MALRD1: variants seen among roughly 807,000 people sequenced by gnomAD.
The protein encoded by MALRD1 is MAM and LDL-receptor class A domain-containing protein 1.
In MALRD1, 247 loss-of-function variants were observed where a neutral mutation model predicts 242.1. The ratio of observed to expected loss-of-function variants is 1.02; its 90% CI spans 0.92 to 1.13. MALRD1 has a LOEUF of 1.13. Ranked by LOEUF, MALRD1 falls within the 50% of genes most tolerant of loss-of-function variation. The probability of loss-of-function intolerance (pLI) is 0.00; values close to 1 mark genes in which losing one functional copy is unlikely to be tolerated. For missense variants in MALRD1, 2,989 were observed against 2,533.1 expected (o/e 1.18, Z -3.86); for synonymous variants, 995 against 866.6 (o/e 1.15, Z -2.60).
At chr10:19,142,845 G>A (rs1373479147) in intron 10 of MALRD1, among the ~76,000 whole-genome samples, 1 of 152,168 alleles carries the variant, frequency 6.6e-6, no homozygotes, top group East Asian at 1.9e-4. Context: ...TCACTTTAAA[G>A]TTTTTGAATT....
At chr10:19,259,736 G>A (rs112618728) in intron 19 of MALRD1, among the ~76,000 whole-genome samples, 1 of 152,032 alleles carries the variant, frequency 6.6e-6, no homozygotes, top group Non-Finnish European at 1.5e-5. Flanking sequence ...CCTGGAACAG[G>A]TTTCCCACAG....
chr10:19,141,724 A>T (rs1442762067), intron 10 of MALRD1, among the ~76,000 whole-genome samples: 1 of 152,124 alleles, frequency 6.6e-6, no homozygotes, highest in Non-Finnish European at 1.5e-5. Flanking sequence ...TTTTTAAATT[A>T]TAGGACTTTA....
intron 21 of MALRD1, among the ~76,000 whole-genome samples, chr10:19,312,146 A>C (rs1208906009): frequency 1.3e-5 from 2 of 151,230 alleles, no homozygotes; most frequent in African/African-American, 2.4e-5. Context: ...CAGAAACTGA[A>C]CTCTGGTGGC....
rs114755435 is a variant in MALRD1 at position 19,378,097 on chromosome 10, T to C, written c.4442-9431T>C. Among the ~76,000 whole-genome samples, 181 of 152,272 alleles carry C rather than the reference T, an allele frequency of 1.2e-3. 1 individual carries two copies. The highest frequency in any genetic ancestry group is 4.2e-3 in the African/African-American group (173 of 41,564). On this transcript the variant is annotated intron_variant, in intron 26 of 39. Coordinates refer to ENST00000454679, the MANE Select transcript of MALRD1 (RefSeq NM_001142308.3). Reference sequence around the variant, plus strand: ...TTATGCATTTAGCTTTTCAAATATATACAGTTTTTTTACTCTAAACTTGAC... The same window carrying C: ...TTATGCATTTAGCTTTTCAAATATACACAGTTTTTTTACTCTAAACTTGAC...
At chr10:19,521,269 C>A (rs1340668554) in intron 31 of MALRD1, among the ~76,000 whole-genome samples, 3 of 152,002 alleles carry the variant, frequency 2.0e-5, no homozygotes, top group Non-Finnish European at 4.4e-5. Flanking sequence ...ACTACTTAAC[C>A]ATTTCTATCT....
At chr10:19,489,066 GGCACCGC>G in intron 29 of MALRD1, 1 of 459,164 alleles carries the variant, frequency 2.2e-6, no homozygotes, top group East Asian at 7.0e-5. Context: ...GGCAGCGCCA[GGCACCGC>G]GCACGCGCCT....
At chr10:19,602,174 C>A (rs1328349887) in intron 34 of MALRD1, among the ~76,000 whole-genome samples, 1 of 118,038 alleles carries the variant, frequency 8.5e-6, no homozygotes, top group Non-Finnish European at 1.7e-5. Context: ...TTTTTTTTGT[C>A]CGTCTTTGCA....
chr10:19,719,197 T>C (rs1320340241), intron 38 of MALRD1, among the ~76,000 whole-genome samples: 30 of 31,622 alleles, frequency 9.5e-4, no homozygotes, highest in African/African-American at 3.5e-3. Context: ...TATACATACA[T>C]ATATATATAT....
chr10:19,201,738 C>T (rs1393903503), intron 14 of MALRD1, among the ~76,000 whole-genome samples: 1 of 152,116 alleles, frequency 6.6e-6, no homozygotes, highest in East Asian at 1.9e-4. Flanking sequence ...TTATTTCTAA[C>T]TTGTATTATT....
intron 10 of MALRD1, among the ~76,000 whole-genome samples, chr10:19,145,697 C>T (rs569866821): frequency 5.7e-4 from 85 of 149,642 alleles, no homozygotes; most frequent in African/African-American, 1.6e-3. Flanking sequence ...AGCTCAGTTC[C>T]GAATATCTAA....
intron 38 of MALRD1, among the ~76,000 whole-genome samples, chr10:19,713,601 C>T (rs1252352239): frequency 1.3e-5 from 2 of 152,132 alleles, no homozygotes; most frequent in Non-Finnish European, 2.9e-5. Context: ...TTGCTAAGGG[C>T]AATCACAAAG....
intron 5 of MALRD1, among the ~76,000 whole-genome samples, chr10:19,110,824 CT>C (rs1171697850): frequency 6.6e-6 from 1 of 152,024 alleles, no homozygotes; most frequent in Non-Finnish European, 1.5e-5. Context: ...AAAATGATCC[CT>C]GATCATTTTG....
intron 4 of MALRD1, among the ~76,000 whole-genome samples, chr10:19,102,535 G>A (rs1836305181): frequency 6.6e-6 from 1 of 152,084 alleles, no homozygotes; most frequent in Non-Finnish European, 1.5e-5. Context: ...GATCTGTTGT[G>A]TTTTGCTGCA....
intron 18 of MALRD1, among the ~76,000 whole-genome samples, chr10:19,210,693 C>T (rs546703080): frequency 4.9e-5 from 2 of 41,002 alleles, no homozygotes; most frequent in South Asian, 2.0e-3. Context: ...TCCAGGCCAC[C>T]TTTTGAAATC....
chr10:19,471,084 T>C (rs1836467151), intron 29 of MALRD1, among the ~76,000 whole-genome samples: 1 of 151,972 alleles, frequency 6.6e-6, no homozygotes, highest in Non-Finnish European at 1.5e-5. Flanking sequence ...CTTATTTCAT[T>C]TTAATCCATT....
At chr10:19,430,890 T>C (rs963112427) in intron 28 of MALRD1, among the ~76,000 whole-genome samples, 10 of 152,150 alleles carry the variant, frequency 6.6e-5, no homozygotes, top group Non-Finnish European at 1.2e-4. Context: ...TACCAGCAAA[T>C]AGAAGGGTGC....
At chr10:19,226,924 C>G (rs956156201) in intron 18 of MALRD1, among the ~76,000 whole-genome samples, 11 of 151,694 alleles carry the variant, frequency 7.3e-5, no homozygotes, top group African/African-American at 2.7e-4. Context: ...TTATAATAGC[C>G]TCAAAAATAA....
intron 14 of MALRD1, among the ~76,000 whole-genome samples, chr10:19,181,913 T>C (rs1835523242): frequency 6.6e-6 from 1 of 152,128 alleles, no homozygotes. Context: ...ATGTATCGAT[T>C]TAATAGTGTT....
At chr10:19,710,011 G>A (rs1176241639) in intron 38 of MALRD1, among the ~76,000 whole-genome samples, 1 of 152,082 alleles carries the variant, frequency 6.6e-6, no homozygotes, top group Non-Finnish European at 1.5e-5. Flanking sequence ...TGAGGGAGAA[G>A]ATCACTTGAG....
Sources: allele counts gnomAD v4.1 joint callset (sites outside exome capture counted in the v4.1 genomes callset), GRCh38; gene constraint gnomAD v4.1.1; transcripts MANE v1.5; gene names NCBI Gene and HGNC (gene_info 2026-07-23, HGNC 2026-07-21).